TOPAZ1: variants seen among roughly 807,000 people sequenced by gnomAD.
TOPAZ1 encodes the protein protein TOPAZ1.
TOPAZ1 carries 66 observed loss-of-function variants against 172.2 expected under a neutral mutation model. The observed-to-expected ratio is 0.38, with a 90% CI of 0.31 to 0.47. The LOEUF (loss-of-function observed/expected upper bound fraction) is 0.47. Among genes scored for constraint, TOPAZ1 ranks in the 20% least tolerant of loss-of-function variants. TOPAZ1 has a pLI of 0.99. For synonymous variants in TOPAZ1, 681 were observed against 683.9 expected, an observed-to-expected ratio of 1.00 and a Z score of 0.07; for missense variants, 1,822 against 1,972.4, an observed-to-expected ratio of 0.92 and a Z score of 1.44.
chr3:44,285,403 T>C (rs1255748217), intron 9 of TOPAZ1, among the ~76,000 whole-genome samples: 1 of 150,912 alleles, frequency 6.6e-6, no homozygotes, highest in Admixed American at 6.6e-5. Flanking sequence ...GAGGCAGAGG[T>C]TGCAGTGAGC....
intron 13 of TOPAZ1, 55 bp downstream of exon 13, chr3:44,304,136 A>G (rs1210323009): frequency 8.2e-6 from 9 of 1,103,556 alleles, no homozygotes; most frequent in Non-Finnish European, 1.2e-5. Context: ...ATCAATAGCA[A>G]CAAAAAAGGT....
intron 15 of TOPAZ1, 26 bp downstream of exon 15, chr3:44,306,452 C>G (rs751501582): frequency 7.2e-5 from 100 of 1,388,146 alleles, no homozygotes; most frequent in Non-Finnish European, 8.5e-5. Flanking sequence ...TTTGTCTTGG[C>G]TTGGTATAGA....
At chr3:44,320,960 G>C (rs1009400028) in intron 16 of TOPAZ1, 67 bp from the exon 17 acceptor site, 2 of 1,029,456 alleles carry the variant, frequency 1.9e-6, no homozygotes, top group Non-Finnish European at 2.8e-6. Flanking sequence ...TGAAACATTA[G>C]TTGTGATTAT....
In TOPAZ1 at chr3:44,287,771, A is replaced by G; in HGVS notation, c.3613A>G (p.Ile1205Val). ...GCCTTCTCTGAAAATATTACTAAAC[A>G]TATTTGAGTATGTGGCAACTATGAA... ...MLPSLKILLNIFEYVATMKLR... is the reference protein window; with the variant it reads ...MLPSLKILLNVFEYVATMKLR... Residue 1205 changes from isoleucine (I) to valine (V), a missense_variant, in exon 11 of 20, where the codon ATA becomes GTA. Ile to Val is a conservative substitution (Grantham distance 29, BLOSUM62 3). Transcript: ENST00000309765. 1 of 1,501,230 alleles carries G rather than the reference A, an allele frequency of 6.7e-7. No homozygotes were observed. The highest frequency in any genetic ancestry group is 9.0e-7 in the Non-Finnish European group (1 of 1,114,606). The allele number at this position is 1,501,230 out of a possible 1,614,324, so 93.0% of individuals were successfully genotyped here. A position where few individuals can be genotyped will look rare whatever the true frequency, so the allele number is the denominator to read the frequency against.
At chr3:44,330,485 G>A (rs928705796) in intron 19 of TOPAZ1, among the ~76,000 whole-genome samples, 2 of 152,084 alleles carry the variant, frequency 1.3e-5, no homozygotes, top group African/African-American at 4.8e-5. Flanking sequence ...TTCATCTTTA[G>A]ACTTTTTAAG....
intron 6 of TOPAZ1, among the ~76,000 whole-genome samples, chr3:44,267,728 T>G (rs1181445920): frequency 6.6e-6 from 1 of 152,180 alleles, no homozygotes; most frequent in African/African-American, 2.4e-5. Flanking sequence ...CTTGTGTCAG[T>G]TTTTTGATAA....
chr3:44,321,329 A>G (rs1342557341), intron 17 of TOPAZ1, 138 bp downstream of exon 17: 16 of 613,810 alleles, frequency 2.6e-5, no homozygotes, highest in South Asian at 5.4e-5. Flanking sequence ...TCTGTAAAAT[A>G]TGTTCTCTGC....
At chr3:44,251,436 T>A (rs1699629324) in intron 2 of TOPAZ1, among the ~76,000 whole-genome samples, 1 of 152,246 alleles carries the variant, frequency 6.6e-6, no homozygotes, top group Non-Finnish European at 1.5e-5. Flanking sequence ...ACTTTTTCCT[T>A]GGGCAATAGT....
chr3:44,332,126 A>T, downstream of TOPAZ1: 1 of 694,434 alleles, frequency 1.4e-6, no homozygotes, highest in Non-Finnish European at 2.3e-6. Flanking sequence ...ATTGACTTAC[A>T]GCAAGTTAAT....
At chr3:44,299,899 C>T (rs1575727403) in intron 12 of TOPAZ1, among the ~76,000 whole-genome samples, 2 of 124,514 alleles carry the variant, frequency 1.6e-5, no homozygotes, top group African/African-American at 6.2e-5. Flanking sequence ...GGGAATTGAA[C>T]AATGAGAACA....
chr3:44,280,349 TTTC>T (rs1335140126), intron 8 of TOPAZ1, among the ~76,000 whole-genome samples: 4 of 151,738 alleles, frequency 2.6e-5, no homozygotes, highest in African/African-American at 9.7e-5. Context: ...TTCTTTTCTT[TTTC>T]TTCTTTTATT....
At chr3:44,272,577 T>G (rs913240862) in intron 8 of TOPAZ1, among the ~76,000 whole-genome samples, 4 of 152,234 alleles carry the variant, frequency 2.6e-5, no homozygotes, top group African/African-American at 9.6e-5. Context: ...TGCCCTTTTT[T>G]TTGAGGCAGA....
intron 9 of TOPAZ1, among the ~76,000 whole-genome samples, chr3:44,284,248 C>T (rs564856296): frequency 2.0e-5 from 3 of 152,246 alleles, no homozygotes; most frequent in South Asian, 2.1e-4. Context: ...ACAGAAATGC[C>T]GTATGCATTA....
intron 2 of TOPAZ1, among the ~76,000 whole-genome samples, chr3:44,249,888 A>G (rs1367163949): frequency 6.6e-6 from 1 of 152,206 alleles, no homozygotes; most frequent in Non-Finnish European, 1.5e-5. Flanking sequence ...AAAGTTAGGC[A>G]CAAAAATTTG....
At chr3:44,303,479 CTTTTTTTTTTT>C (rs34565826) in intron 12 of TOPAZ1, among the ~76,000 whole-genome samples, 2 of 109,946 alleles carry the variant, frequency 1.8e-5, no homozygotes, top group Non-Finnish European at 3.6e-5. Flanking sequence ...TGCTTGCTTG[CTTTTTTTTTTT>C]TTTTTTTTTT....
At chr3:44,267,289 CTTTTTT>C (rs71085610) in intron 6 of TOPAZ1, among the ~76,000 whole-genome samples, 153 bp downstream of exon 6, 2 of 104,628 alleles carry the variant, frequency 1.9e-5, no homozygotes, top group Non-Finnish European at 1.8e-5. Flanking sequence ...TTACTTAGTA[CTTTTTT>C]TTTTTTTTTT....
chr3:44,256,244 G>A lies in TOPAZ1; in HGVS notation c.2921G>A (p.Ser974Asn). Reference sequence around the variant, plus strand: ...GAAAATGAAACACTGGGAGACTTCAGTGAACAAATAAAAGGTTCAGACTTG... The same window carrying A: ...GAAAATGAAACACTGGGAGACTTCAATGAACAAATAAAAGGTTCAGACTTG... ...TSENETLGDF[S>N]EQIKGSDLDE... Residue 974 changes from serine (S) to asparagine (N), a missense_variant, in exon 4 of 20, where the codon AGT becomes AAT. Coordinates refer to ENST00000309765, the MANE Select transcript of TOPAZ1 (RefSeq NM_001145030.2). The A allele has an allele frequency of 6.5e-7, 1 of 1,531,540 alleles. No individual in the cohort carries two copies. Among genetic ancestry groups the A allele is most frequent in the Non-Finnish European group, 8.8e-7 (1 of 1,141,564 alleles). The allele number at this position is 1,531,540 out of a possible 1,614,324, so 94.9% of individuals were successfully genotyped here. A position where few individuals can be genotyped will look rare whatever the true frequency, so the allele number is the denominator to read the frequency against.
Position 44,266,983 on chromosome 3 carries a change from T to C in TOPAZ1, c.3021-14T>C, listed in dbSNP as rs1444577227. ...TACATTTAAATTCTGATGTTAATTT[T>C]TCCTTTCACACAGCAAAGATTCTAG... On this transcript the variant is annotated splice_polypyrimidine_tract_variant and intron_variant, in intron 5 of 19. Coordinates refer to ENST00000309765, the MANE Select transcript of TOPAZ1 (RefSeq NM_001145030.2). The C allele has an allele frequency of 2.0e-6, 3 of 1,515,494 alleles. No homozygotes were observed. Among genetic ancestry groups the C allele is most frequent in the Admixed American group, 4.6e-5 (2 of 43,828 alleles). 93.9% of individuals were successfully genotyped at this position (1,515,494 alleles called of 1,614,324 possible).
intron 8 of TOPAZ1, among the ~76,000 whole-genome samples, chr3:44,277,848 C>T (rs553269343): frequency 6.6e-6 from 1 of 152,322 alleles, no homozygotes; most frequent in South Asian, 2.1e-4. Context: ...CCTGCTCCAC[C>T]TTCACCTTCT....
Sources: gnomAD v4.1 joint callset for allele counts (sites outside exome capture counted in the v4.1 genomes callset) on GRCh38, gnomAD v4.1.1 for gene constraint, MANE v1.5 for transcripts, NCBI Gene and HGNC (gene_info 2026-07-23, HGNC 2026-07-21) for gene names.